RP1: variants seen among roughly 807,000 people sequenced by gnomAD.
RP1 encodes RP1 axonemal microtubule associated, also known as oxygen-regulated protein 1.
Under a neutral mutation model 14.8 loss-of-function variants are expected in RP1, and 16 were observed. The observed-to-expected ratio is 1.08, with a 90% confidence interval of 0.73 to 1.65. The LOEUF is 1.65. RP1 is among the 40% of genes most tolerant of loss of function. RP1 has a pLI of 0.00. For synonymous variants in RP1, 876 were observed against 883.6 expected, an observed-to-expected ratio of 0.99 and a Z score of 0.15; for missense variants, 2,631 against 2,535.0, an observed-to-expected ratio of 1.04 and a Z score of -0.81.
chr8:54,822,372 C>T (rs1016639502), intron 24 of RP1, among the ~76,000 whole-genome samples: 3 of 147,034 alleles, frequency 2.0e-5, no homozygotes, highest in Non-Finnish European at 3.0e-5. Context: ...ATAATAATAC[C>T]GATGTAATTC....
chr8:54,845,033 C>T (rs1290134532), intron 25 of RP1, among the ~76,000 whole-genome samples: 6 of 152,306 alleles, frequency 3.9e-5, no homozygotes, highest in East Asian at 1.9e-4. Context: ...TCCTTAGGGA[C>T]GGTCAGAGTC....
At chr8:54,562,707 A>T (rs946256642) in intron 1 of RP1, among the ~76,000 whole-genome samples, 1 of 152,096 alleles carries the variant, frequency 6.6e-6, no homozygotes, top group African/African-American at 2.4e-5. Flanking sequence ...TAATATTAGG[A>T]TAGGTGAAGT....
chr8:54,697,728 A>G (rs2129342120), intron 12 of RP1, among the ~76,000 whole-genome samples: 1 of 152,346 alleles, frequency 6.6e-6, no homozygotes, highest in African/African-American at 2.4e-5. Context: ...GCCCTCAGAA[A>G]TAACACCACA....
intron 13 of RP1, among the ~76,000 whole-genome samples, chr8:54,699,936 A>G (rs1019408106): frequency 1.3e-5 from 2 of 152,192 alleles, no homozygotes; most frequent in Non-Finnish European, 2.9e-5. Flanking sequence ...ATTTAATGTA[A>G]TGCATACATG....
intron 19 of RP1, among the ~76,000 whole-genome samples, chr8:54,749,495 C>G (rs181120723): frequency 3.0e-4 from 45 of 152,256 alleles, no homozygotes; most frequent in African/African-American, 1.1e-3. Flanking sequence ...AGTGATGACC[C>G]TCCTTCTGAC....
At chr8:54,585,195 A>G (rs561843077) in intron 1 of RP1, among the ~76,000 whole-genome samples, 284 of 152,306 alleles carry the variant, frequency 1.9e-3, no homozygotes, top group Non-Finnish European at 3.0e-3. Flanking sequence ...AGGCCTGGTC[A>G]TGAGAAAATC....
intron 15 of RP1, among the ~76,000 whole-genome samples, chr8:54,718,145 C>A (rs2129349552): frequency 6.6e-6 from 1 of 152,206 alleles, no homozygotes; most frequent in Middle Eastern, 3.4e-3. Flanking sequence ...TCAGTTCTTA[C>A]CAACTTTATC....
intron 1 of RP1, chr8:54,560,222 G>A (rs911927893): frequency 6.6e-6 from 1 of 152,098 alleles, no homozygotes; most frequent in Non-Finnish European, 1.5e-5. Context: ...CAGGAGTTTT[G>A]GGGATGGGGA....
chr8:54,751,726 G>A (rs1257653784), intron 19 of RP1, among the ~76,000 whole-genome samples: 2 of 152,156 alleles, frequency 1.3e-5, no homozygotes, highest in Non-Finnish European at 1.5e-5. Context: ...CATTGTGGTC[G>A]TCCTGGAATT....
intron 16 of RP1, among the ~76,000 whole-genome samples, chr8:54,721,392 G>T (rs1443167377): frequency 6.6e-6 from 1 of 152,200 alleles, no homozygotes; most frequent in African/African-American, 2.4e-5. Context: ...AAGAATACAG[G>T]AGTAGAAAAA....
intron 1 of RP1, among the ~76,000 whole-genome samples, chr8:54,573,043 A>AT (rs1804563173): frequency 1.3e-5 from 2 of 152,066 alleles, no homozygotes; most frequent in South Asian, 4.2e-4. Flanking sequence ...ATAAATAGAG[A>AT]TTTTCTAATG....
rs73603067 is a variant in RP1 at position 54,739,563 on chromosome 8, C to T, written c.2808+534C>T. ...TCTGTTCATAGAAATCTGAAGAATA[C>T]GGTGAAGTGTAAGAACAAAATGAAT... On this transcript the variant is annotated intron_variant, in intron 19 of 22. Coordinates refer to the RP1 transcript ENST00000636932. Among the ~76,000 whole-genome samples the T allele has an allele frequency of 3.3e-3, 502 of 151,790 alleles. 5 individuals are homozygous for T. The highest frequency in any genetic ancestry group is 0.011 in the African/African-American group (466 of 41,394).
intron 12 of RP1, among the ~76,000 whole-genome samples, chr8:54,685,404 G>A (rs180872829): frequency 7.2e-5 from 11 of 152,010 alleles, no homozygotes; most frequent in African/African-American, 2.7e-4. Context: ...CCTTAATTTC[G>A]TTATTTACCC....
intron 12 of RP1, among the ~76,000 whole-genome samples, chr8:54,685,858 G>A (rs979431032): frequency 1.1e-4 from 16 of 152,020 alleles, no homozygotes; most frequent in African/African-American, 3.4e-4. Context: ...CTTACTTCTC[G>A]AATTAATCCT....
chr8:54,779,761 G>A (rs1270016797), intron 23 of RP1, among the ~76,000 whole-genome samples: 1 of 152,064 alleles, frequency 6.6e-6, no homozygotes, highest in Non-Finnish European at 1.5e-5. Flanking sequence ...CTCTACCAGG[G>A]ATACATGAAA....
chr8:54,628,122 CAT>C lies in RP1; in HGVS notation c.4242_4243del (p.His1414GlnfsTer5), dbSNP rs767436678. On this transcript the variant is annotated frameshift_variant, in exon 4 of 4. Transcript: ENST00000220676. LOFTEE classifies it low-confidence loss of function (END_TRUNC). ...SEKEAELDKK[H>X]SSLDDFENCS... Reference sequence around the variant, plus strand: ...AAAAGAAGCAGAACTTGATAAGAAACATAGTTCTCTAGATGATTTTGAAAATT... The same window carrying C: ...AAAAGAAGCAGAACTTGATAAGAAACAGTTCTCTAGATGATTTTGAAAATT... 4 of 1,613,938 alleles carry C rather than the reference CAT, an allele frequency of 2.5e-6. No individual in the cohort carries two copies. Among genetic ancestry groups the C allele is most frequent in the African/African-American group, 1.3e-5 (1 of 75,048 alleles).
intron 7 of RP1, among the ~76,000 whole-genome samples, chr8:54,671,535 T>C (rs1272846896): frequency 6.6e-6 from 1 of 152,114 alleles, no homozygotes; most frequent in Non-Finnish European, 1.5e-5. Context: ...CCCTTTTATT[T>C]TGTTGCTCCT....
chr8:54,841,701 C>T (rs1811794681), intron 25 of RP1, among the ~76,000 whole-genome samples: 2 of 152,100 alleles, frequency 1.3e-5, no homozygotes, highest in African/African-American at 2.4e-5. Context: ...GAGGAGATGC[C>T]GATTGCCCTT....
chr8:54,749,930 A>G (rs972860202), intron 19 of RP1, among the ~76,000 whole-genome samples: 1 of 151,756 alleles, frequency 6.6e-6, no homozygotes, highest in African/African-American at 2.4e-5. Context: ...GGGCTAGAGA[A>G]TTCATGGAGG....
Sources: allele counts gnomAD v4.1 joint callset (sites outside exome capture counted in the v4.1 genomes callset), GRCh38; gene constraint gnomAD v4.1.1; transcripts MANE v1.5; gene names NCBI Gene and HGNC (gene_info 2026-07-23, HGNC 2026-07-21).